Variants in RIC1 observed in about 807,000 individuals in gnomAD.
RIC1 encodes the protein RIC1 partner of RAB6A GEF complex.
In RIC1, 88 loss-of-function variants were observed where a neutral mutation model predicts 169.0. The ratio of observed to expected loss-of-function variants is 0.52; its 90% CI spans 0.44 to 0.62. RIC1 has a LOEUF of 0.62. Among genes scored for constraint, RIC1 ranks in the 20% least tolerant of loss-of-function variants. RIC1 has a pLI of 0.00. For missense variants in RIC1, 1,877 were observed against 1,725.5 expected (o/e 1.09, Z -1.56); for synonymous variants, 790 against 601.5 (o/e 1.31, Z -4.59).
chr9:5,709,312 C>T (rs769619662), intron 3 of RIC1, among the ~76,000 whole-genome samples: 2 of 152,182 alleles, frequency 1.3e-5, no homozygotes, highest in Non-Finnish European at 2.9e-5. Flanking sequence ...CATTCCTTAG[C>T]ATTCATTCCA....
At chr9:5,706,162 T>C (rs1187634311) in intron 3 of RIC1, among the ~76,000 whole-genome samples, 2 of 152,194 alleles carry the variant, frequency 1.3e-5, no homozygotes, top group Non-Finnish European at 2.9e-5. Flanking sequence ...TCTGGCCTCA[T>C]AGAATGAATT....
At chr9:5,684,931 T>C (rs1275169161) in intron 2 of RIC1, among the ~76,000 whole-genome samples, 1 of 152,252 alleles carries the variant, frequency 6.6e-6, no homozygotes, top group Non-Finnish European at 1.5e-5. Flanking sequence ...TGTCATGGTT[T>C]TCCTTTTTTA....
At chr9:5,646,134 G>A (rs1818499180) in intron 1 of RIC1, among the ~76,000 whole-genome samples, 1 of 152,018 alleles carries the variant, frequency 6.6e-6, no homozygotes, top group African/African-American at 2.4e-5. Flanking sequence ...GGTCCAATGT[G>A]GTATGTCATG....
At chr9:5,727,511 T>G (rs1445304945) in intron 6 of RIC1, among the ~76,000 whole-genome samples, 1 of 152,200 alleles carries the variant, frequency 6.6e-6, no homozygotes, top group Non-Finnish European at 1.5e-5. Context: ...AGAAGTTTGT[T>G]ATTACTGATC....
At chr9:5,769,887 T>G (rs1173423554) in intron 22 of RIC1, among the ~76,000 whole-genome samples, 200 bp from the exon 23 acceptor site, 1 of 152,186 alleles carries the variant, frequency 6.6e-6, no homozygotes, top group Non-Finnish European at 1.5e-5. Flanking sequence ...AACTTTTAGG[T>G]GGTATTGTGG....
intron 8 of RIC1, among the ~76,000 whole-genome samples, chr9:5,741,847 A>T (rs1825101057): frequency 6.6e-6 from 1 of 152,082 alleles, no homozygotes; most frequent in Non-Finnish European, 1.5e-5. Flanking sequence ...CTGAGAGCCG[A>T]TTGTTTTCCT....
chr9:5,741,701 C>T (rs1279972859), intron 8 of RIC1, among the ~76,000 whole-genome samples: 1 of 152,130 alleles, frequency 6.6e-6, no homozygotes, highest in Non-Finnish European at 1.5e-5. Flanking sequence ...CCTTTATTTT[C>T]ATTGGCTATA....
chr9:5,695,132 A>T (rs1821813787), intron 3 of RIC1, among the ~76,000 whole-genome samples: 1 of 152,244 alleles, frequency 6.6e-6, no homozygotes, highest in Non-Finnish European at 1.5e-5. Flanking sequence ...TTCACTGAGA[A>T]GATGACATAT....
At chr9:5,752,573 T>G (rs1825784845) in intron 12 of RIC1, among the ~76,000 whole-genome samples, 1 of 151,998 alleles carries the variant, frequency 6.6e-6, no homozygotes, top group East Asian at 1.9e-4. Flanking sequence ...CCCATGTAGT[T>G]GGGACTACAG....
intron 3 of RIC1, among the ~76,000 whole-genome samples, chr9:5,709,466 G>T (rs1485434404): frequency 1.3e-5 from 2 of 152,118 alleles, no homozygotes; most frequent in African/African-American, 4.8e-5. Context: ...CTCAATATTT[G>T]TACGTTTCAG....
At chr9:5,748,719 G>C (rs1156815301) in intron 12 of RIC1, 2 of 152,584 alleles carry the variant, frequency 1.3e-5, no homozygotes, top group Non-Finnish European at 2.9e-5. Flanking sequence ...AAGAAGGTAG[G>C]TCTGGAACTA....
chr9:5,647,931 G>T (rs1003020719), intron 1 of RIC1, among the ~76,000 whole-genome samples: 3 of 144,576 alleles, frequency 2.1e-5, no homozygotes, highest in Non-Finnish European at 4.6e-5. Flanking sequence ...TGTGTGTGTG[G>T]GGGTGGGTGG....
chr9:5,769,465 C>T (rs1827048152), intron 22 of RIC1: 1 of 1,456,476 alleles, frequency 6.9e-7, no homozygotes, highest in Admixed American at 2.7e-5. Context: ...GTCTTGTGAC[C>T]TTGAAGTCTA....
chr9:5,768,362 C>G (rs1826945472), intron 21 of RIC1, among the ~76,000 whole-genome samples: 2 of 152,014 alleles, frequency 1.3e-5, no homozygotes, highest in Middle Eastern at 3.4e-3. Flanking sequence ...CCCATCCTTG[C>G]AAAAATAAAA....
chr9:5,741,637 T>G (rs960039674), intron 8 of RIC1, among the ~76,000 whole-genome samples: 2 of 152,164 alleles, frequency 1.3e-5, no homozygotes, highest in African/African-American at 4.8e-5. Flanking sequence ...ATTTAAAGGC[T>G]TATTTAGCTC....
Position 5,633,196 on chromosome 9 carries a change from A to G in RIC1, c.144+3743A>G, listed in dbSNP as rs547935465. On this transcript the variant is annotated intron_variant, in intron 1 of 25. Transcript: ENST00000414202. ...TATGTGCTAATCATGGAAAAAAACA[A>G]TGATATGTCAAAAGAACCAAGCTTT... Among the ~76,000 whole-genome samples, 200 of 152,348 alleles carry G rather than the reference A, an allele frequency of 1.3e-3. No homozygotes were observed. The Middle Eastern group carries it at 0.014, about 10-fold the overall frequency.
At chr9:5,704,227 T>C (rs1313385686) in intron 3 of RIC1, among the ~76,000 whole-genome samples, 1 of 151,896 alleles carries the variant, frequency 6.6e-6, no homozygotes, top group African/African-American at 2.4e-5. Context: ...TTTTTTTTTT[T>C]ATTTTTTTAA....
In RIC1 at chr9:5,647,383, T is replaced by C. The variant is rs140372782; in HGVS notation, c.145-9200T>C. On this transcript the variant is annotated intron_variant, in intron 1 of 25. Transcript: ENST00000414202. ...ATTTTGAAAGGACTTACATTGACTA[T>C]GTAGATTGCTTTGGGTAGTATTGAC... Among the ~76,000 whole-genome samples, 713 of 152,360 alleles carry C rather than the reference T, an allele frequency of 4.7e-3. 4 individuals carry two copies. The highest frequency in any genetic ancestry group is 5.7e-3 in the Non-Finnish European group (388 of 68,024).
chr9:5,755,887 C>A (rs1825978929), intron 15 of RIC1, among the ~76,000 whole-genome samples: 1 of 152,048 alleles, frequency 6.6e-6, no homozygotes, highest in African/African-American at 2.4e-5. Flanking sequence ...CATGCCACTG[C>A]ACTCCAGCCT....
Sources: gnomAD v4.1 joint callset for allele counts (sites outside exome capture counted in the v4.1 genomes callset) on GRCh38, gnomAD v4.1.1 for gene constraint, MANE v1.5 for transcripts, NCBI Gene and HGNC (gene_info 2026-07-23, HGNC 2026-07-21) for gene names.